OSBPL9: variants seen among roughly 807,000 people sequenced by gnomAD.
OSBPL9 encodes the protein oxysterol-binding protein-related protein 9.
OSBPL9 carries 40 observed loss-of-function variants against 106.6 expected under a neutral mutation model. The ratio of observed to expected loss-of-function variants is 0.38; its 90% CI spans 0.29 to 0.49. OSBPL9 has a LOEUF of 0.49. OSBPL9 is among the 20% of genes least tolerant of loss of function. The pLI is 0.97. For missense variants in OSBPL9, 609 were observed against 887.2 expected (o/e 0.69, Z 3.98); for synonymous variants, 269 against 295.4 (o/e 0.91, Z 0.92).
chr1:51,527,237 G>A, the OSBPL9 span, among the ~76,000 whole-genome samples: 3 of 152,086 alleles, frequency 2.0e-5, no homozygotes, highest in East Asian at 5.8e-4. Flanking sequence ...ATGAGTAAAA[G>A]AATTAAATAG....
intron 14 of OSBPL9, among the ~76,000 whole-genome samples, chr1:51,776,372 G>A (rs1399625830): frequency 6.6e-6 from 1 of 152,054 alleles, no homozygotes; most frequent in Admixed American, 6.5e-5. Flanking sequence ...ATTAATAATG[G>A]GACAATTAAT....
At chr1:51,693,471 GA>G (rs891103907) in intron 3 of OSBPL9, among the ~76,000 whole-genome samples, 1 of 151,978 alleles carries the variant, frequency 6.6e-6, no homozygotes, top group Non-Finnish European at 1.5e-5. Context: ...CGAGGGAAGG[GA>G]AAAAAATGTA....
At chr1:51,530,673 G>A in the OSBPL9 span, among the ~76,000 whole-genome samples, 1 of 151,936 alleles carries the variant, frequency 6.6e-6, no homozygotes, top group African/African-American at 2.4e-5. Context: ...CTCCAGCCTG[G>A]GTGACAGACT....
intron 1 of OSBPL9, among the ~76,000 whole-genome samples, chr1:51,586,129 G>A (rs368957702): frequency 4.0e-5 from 6 of 151,862 alleles, no homozygotes; most frequent in East Asian, 1.9e-4. Flanking sequence ...AGCCGAGATC[G>A]TGCCACTGCA....
At chr1:51,762,034 A>G in intron 11 of OSBPL9, 63 bp downstream of exon 11, 1 of 1,196,950 alleles carries the variant, frequency 8.4e-7, no homozygotes, top group South Asian at 1.2e-5. Context: ...TTTGTTTGTG[A>G]CCTCTGATGA....
intron 15 of OSBPL9, among the ~76,000 whole-genome samples, chr1:51,778,797 G>A (rs1675650219): frequency 6.6e-6 from 1 of 152,002 alleles, no homozygotes; most frequent in Non-Finnish European, 1.5e-5. Flanking sequence ...TGACCCAGTT[G>A]GCCTTTCTAA....
At chr1:51,585,273 C>T (rs79365992) in intron 1 of OSBPL9, among the ~76,000 whole-genome samples, 3,667 of 152,100 alleles carry the variant, frequency 0.024, 99 homozygotes, top group Admixed American at 0.079. Flanking sequence ...AAATTCAGAC[C>T]TGATTCAAAC....
chr1:51,629,532 T>C (rs1222544074), intron 1 of OSBPL9, among the ~76,000 whole-genome samples: 2 of 152,192 alleles, frequency 1.3e-5, no homozygotes, highest in Admixed American at 1.3e-4. Flanking sequence ...GTCCATGTGG[T>C]AGGCTGCCAC....
At chr1:51,736,135 A>G (rs958213894) in intron 4 of OSBPL9, among the ~76,000 whole-genome samples, 2 of 152,170 alleles carry the variant, frequency 1.3e-5, no homozygotes, top group Admixed American at 6.5e-5. Flanking sequence ...CAAACCAAAC[A>G]CTAGCCCGGT....
At chr1:51,763,353 T>C (rs1031798094) in intron 11 of OSBPL9, among the ~76,000 whole-genome samples, 3 of 152,294 alleles carry the variant, frequency 2.0e-5, no homozygotes, top group East Asian at 3.9e-4. Flanking sequence ...TTTTTCTCTG[T>C]TTTACAGGGA....
intron 4 of OSBPL9, 65 bp downstream of exon 4, chr1:51,714,144 C>CT: frequency 1.6e-6 from 2 of 1,236,520 alleles, no homozygotes; most frequent in Non-Finnish European, 2.2e-6. Context: ...TGTCTGTTTT[C>CT]TGTTTTTTTT....
chr1:51,677,590 C>T (rs970539288), intron 3 of OSBPL9, among the ~76,000 whole-genome samples: 1 of 151,016 alleles, frequency 6.6e-6, no homozygotes, highest in East Asian at 2.0e-4. Context: ...CCAGGCTTGT[C>T]GCCCAGGCTG....
At chr1:51,575,611 C>T (rs1645178801), upstream of OSBPL9, among the ~76,000 whole-genome samples, 1 of 152,162 alleles carries the variant, frequency 6.6e-6, no homozygotes, top group African/African-American at 2.4e-5. Flanking sequence ...GCTCCTATTA[C>T]TCACGTCTGA....
chr1:51,722,786 T>C (rs577383390), intron 4 of OSBPL9, among the ~76,000 whole-genome samples: 35 of 152,368 alleles, frequency 2.3e-4, no homozygotes, highest in African/African-American at 7.7e-4. Flanking sequence ...ATTTGTGATA[T>C]CTGGCTAAAG....
intron 2 of OSBPL9, among the ~76,000 whole-genome samples, chr1:51,602,018 C>CTTTGTTTTTTTTTTTTTT (rs1645327026): frequency 1.3e-5 from 1 of 76,406 alleles, no homozygotes; most frequent in Non-Finnish European, 2.3e-5. Flanking sequence ...TCTTGGGGTT[C>CTTTGTTTTTTTTTTTTTT]TTTTTTTTTT....
At chr1:51,593,208 G>C (rs1210555216) in intron 1 of OSBPL9, among the ~76,000 whole-genome samples, 1 of 152,152 alleles carries the variant, frequency 6.6e-6, no homozygotes, top group Admixed American at 6.5e-5. Context: ...GAGAGGGAGA[G>C]AGAAATAAAT....
chr1:51,580,495 T>C (rs566766280), intron 1 of OSBPL9, among the ~76,000 whole-genome samples: 1 of 152,314 alleles, frequency 6.6e-6, no homozygotes, highest in Admixed American at 6.5e-5. Flanking sequence ...TCTAATCAGC[T>C]ATACCCTAGA....
At chr1:51,601,254 G>C (rs949399747) in intron 2 of OSBPL9, among the ~76,000 whole-genome samples, 1 of 152,172 alleles carries the variant, frequency 6.6e-6, no homozygotes, top group Non-Finnish European at 1.5e-5. Flanking sequence ...GCCCATGTTT[G>C]GGAAATTACT....
At chr1:51,548,002 A>G in the OSBPL9 span, among the ~76,000 whole-genome samples, 1 of 151,990 alleles carries the variant, frequency 6.6e-6, no homozygotes, top group Non-Finnish European at 1.5e-5. Flanking sequence ...TACAATAATA[A>G]TATTAACTTT....
Sources: allele counts gnomAD v4.1 joint callset (sites outside exome capture counted in the v4.1 genomes callset), GRCh38; gene constraint gnomAD v4.1.1; transcripts MANE v1.5; gene names NCBI Gene and HGNC (gene_info 2026-07-23, HGNC 2026-07-21).